Variants in THADA observed in about 807,000 individuals in gnomAD.
The protein encoded by THADA is tRNA (32-2'-O)-methyltransferase regulator THADA.
Under a neutral mutation model 219.8 loss-of-function variants are expected in THADA, and 213 were observed. The ratio of observed to expected loss-of-function variants is 0.97; its 90% CI spans 0.87 to 1.09. The LOEUF (loss-of-function observed/expected upper bound fraction) is 1.09, where lower values mean the gene tolerates loss of function less well. THADA is among the 50% of genes least tolerant of loss of function. The pLI is 0.00. For missense variants in THADA, 2,956 were observed against 2,311.3 expected, an observed-to-expected ratio of 1.28 and a Z score of -5.72; for synonymous variants, 1,018 against 828.9, an observed-to-expected ratio of 1.23 and a Z score of -3.92.
At chr2:43,515,282 A>ATAATATATAATATT (rs1691493011) in intron 22 of THADA, among the ~76,000 whole-genome samples, 1 of 13,750 alleles carries the variant, frequency 7.3e-5, no homozygotes, top group Non-Finnish European at 1.2e-4. Flanking sequence ...TATATAATAT[A>ATAATATATAATATT]TTATATATAA....
chr2:43,308,708 C>T (rs1390749595), intron 31 of THADA, among the ~76,000 whole-genome samples: 3 of 85,968 alleles, frequency 3.5e-5, no homozygotes, highest in South Asian at 3.4e-4. Flanking sequence ...TCTCTAGAAA[C>T]GAAGAAAGAA....
chr2:43,258,697 G>A (rs1670611672), intron 36 of THADA, among the ~76,000 whole-genome samples: 1 of 152,158 alleles, frequency 6.6e-6, no homozygotes, highest in South Asian at 2.1e-4. Context: ...TGAGGGCCAG[G>A]GGGAAATCAA....
intron 31 of THADA, among the ~76,000 whole-genome samples, chr2:43,308,811 C>T (rs1322931737): frequency 8.0e-6 from 1 of 124,286 alleles, no homozygotes. Context: ...TCATGATACA[C>T]ATGAAAATTA....
At chr2:43,306,863 T>C (rs2104423811) in intron 31 of THADA, among the ~76,000 whole-genome samples, 1 of 152,352 alleles carries the variant, frequency 6.6e-6, no homozygotes, top group South Asian at 2.1e-4. Flanking sequence ...TTCTTTGTTC[T>C]TGCTATCAGT....
At chr2:43,327,291 C>T (rs1279028142) in intron 30 of THADA, among the ~76,000 whole-genome samples, 1 of 152,024 alleles carries the variant, frequency 6.6e-6, no homozygotes, top group Admixed American at 6.6e-5. Context: ...TTCTCAACCA[C>T]AATAAGCAAG....
intron 30 of THADA, among the ~76,000 whole-genome samples, chr2:43,334,578 A>T (rs913799823): frequency 2.6e-5 from 4 of 152,164 alleles, no homozygotes; most frequent in African/African-American, 4.8e-5. Context: ...TGTTATTTTT[A>T]AAAATGATAA....
chr2:43,348,173 T>A (rs1381565665), intron 29 of THADA, among the ~76,000 whole-genome samples: 1 of 152,218 alleles, frequency 6.6e-6, no homozygotes, highest in African/African-American at 2.4e-5. Flanking sequence ...AAAGTCATCC[T>A]GATTTCCATT....
intron 30 of THADA, among the ~76,000 whole-genome samples, chr2:43,337,541 T>G (rs1242721526): frequency 1.3e-5 from 2 of 152,220 alleles, no homozygotes; most frequent in African/African-American, 4.8e-5. Flanking sequence ...AAAATTTTGG[T>G]GGAGGTCTCT....
intron 22 of THADA, among the ~76,000 whole-genome samples, chr2:43,518,356 T>A (rs1691997429): frequency 6.6e-6 from 1 of 152,214 alleles, no homozygotes; most frequent in Non-Finnish European, 1.5e-5. Context: ...CAGCAGTTGA[T>A]GCAGCTGCTT....
intron 29 of THADA, among the ~76,000 whole-genome samples, chr2:43,371,131 G>C (rs1010631668): frequency 1.3e-5 from 2 of 152,182 alleles, no homozygotes; most frequent in African/African-American, 2.4e-5. Flanking sequence ...CTTGAAGGTA[G>C]ATTTTTATAT....
chr2:43,375,325 AC>A (rs1671248948), intron 29 of THADA, among the ~76,000 whole-genome samples: 1 of 152,214 alleles, frequency 6.6e-6, no homozygotes, highest in South Asian at 2.1e-4. Context: ...TCCTCTAGCC[AC>A]CACATAATCC....
In THADA at chr2:43,454,085, G is replaced by C. The variant is rs1682693028; in HGVS notation, c.3837-23783C>G. On this transcript the variant is annotated intron_variant, in intron 26 of 37. Coordinates refer to ENST00000405975, the MANE Select transcript of THADA (RefSeq NM_022065.5). Reference sequence around the variant, plus strand: ...GGGTCTCGCTATATTGCCCAAACTGGTCTCAAACTTCTGGCCTCAAACAAT... The same window carrying C: ...GGGTCTCGCTATATTGCCCAAACTGCTCTCAAACTTCTGGCCTCAAACAAT... Among the ~76,000 whole-genome samples, 6 of 152,200 alleles carry C rather than the reference G, an allele frequency of 3.9e-5. No homozygotes were observed. In the South Asian group the frequency reaches 1.2e-3, roughly 32 times the overall value.
chr2:43,567,590 G>A (rs930370982), intron 14 of THADA, among the ~76,000 whole-genome samples: 6 of 152,198 alleles, frequency 3.9e-5, no homozygotes, highest in Non-Finnish European at 8.8e-5. Flanking sequence ...TCACGCCACT[G>A]CAGTCTGGCC....
intron 31 of THADA, among the ~76,000 whole-genome samples, chr2:43,296,884 G>A (rs1352553691): frequency 1.3e-5 from 2 of 151,162 alleles, no homozygotes; most frequent in South Asian, 2.1e-4. Flanking sequence ...CGGGCCCCGC[G>A]GGGCCCGAGG....
At chr2:43,256,896 A>G (rs999208197) in intron 36 of THADA, among the ~76,000 whole-genome samples, 2 of 152,176 alleles carry the variant, frequency 1.3e-5, no homozygotes, top group Non-Finnish European at 2.9e-5. Flanking sequence ...GTTTTTATTC[A>G]TATTTTAATA....
chr2:43,422,183 T>C (rs959562303), intron 28 of THADA, among the ~76,000 whole-genome samples: 3 of 152,214 alleles, frequency 2.0e-5, no homozygotes, highest in African/African-American at 4.8e-5. Flanking sequence ...TGATAGAGAA[T>C]ACTAATTTTC....
chr2:43,356,149 T>C (rs1216705353), intron 29 of THADA, among the ~76,000 whole-genome samples: 1 of 152,144 alleles, frequency 6.6e-6, no homozygotes, highest in Non-Finnish European at 1.5e-5. Flanking sequence ...GCTAAGTAGA[T>C]GATAAAGGTG....
chr2:43,557,607 A>G (rs1697535524), intron 16 of THADA, among the ~76,000 whole-genome samples: 2 of 152,232 alleles, frequency 1.3e-5, no homozygotes, highest in Admixed American at 1.3e-4. Flanking sequence ...AGAAGACAGA[A>G]CAAAGGACAG....
intron 29 of THADA, among the ~76,000 whole-genome samples, chr2:43,352,838 T>A (rs1044796709): frequency 6.6e-6 from 1 of 152,190 alleles, no homozygotes; most frequent in Non-Finnish European, 1.5e-5. Flanking sequence ...TTTCAACTTG[T>A]TCATCCCGCG....
Sources: allele counts gnomAD v4.1 joint callset (sites outside exome capture counted in the v4.1 genomes callset), GRCh38; gene constraint gnomAD v4.1.1; transcripts MANE v1.5; gene names NCBI Gene and HGNC (gene_info 2026-07-23, HGNC 2026-07-21).